PTPN22: variants seen among roughly 807,000 people sequenced by gnomAD.
PTPN22 encodes tyrosine-protein phosphatase non-receptor type 22.
In PTPN22, 85 loss-of-function variants were observed where a neutral mutation model predicts 103.3. The ratio of observed to expected loss-of-function variants is 0.82; its 90% CI spans 0.69 to 0.99. The LOEUF is 0.99. Among genes scored for constraint, PTPN22 ranks in the 50% least tolerant of loss-of-function variants. The pLI is 0.00. For synonymous variants in PTPN22, 323 were observed against 310.2 expected (o/e 1.04, Z -0.43); for missense variants, 865 against 936.9 (o/e 0.92, Z 1.00).
intron 11 of PTPN22, among the ~76,000 whole-genome samples, chr1:113,844,864 G>C (rs1347330596): frequency 6.6e-6 from 1 of 152,144 alleles, no homozygotes; most frequent in Non-Finnish European, 1.5e-5. Flanking sequence ...TGTCACCCAG[G>C]TTGGAGTGCA....
chr1:113,826,360 GAA>G (rs1420533314), intron 18 of PTPN22, among the ~76,000 whole-genome samples: 2 of 146,708 alleles, frequency 1.4e-5, no homozygotes, highest in Non-Finnish European at 1.5e-5. Flanking sequence ...GAAAGAAAGA[GAA>G]AGAGAGAGAC....
chr1:113,834,978 A>G (rs1180511542), exon 14 of PTPN22: 7 of 1,565,594 alleles, frequency 4.5e-6, no homozygotes, highest in Admixed American at 4.0e-5. Flanking sequence ...TTCATCATCT[A>G]TCCTTGGAGC....
chr1:113,871,411 T>A (rs1666568824), intron 1 of PTPN22, 126 bp downstream of exon 1: 1 of 686,536 alleles, frequency 1.5e-6, no homozygotes, highest in African/African-American at 1.8e-5. Context: ...TTTTTTTTTC[T>A]GTCTTCCCCG....
At chr1:113,847,584 CTT>C (rs201373943) in intron 11 of PTPN22, among the ~76,000 whole-genome samples, 257 of 125,476 alleles carry the variant, frequency 2.0e-3, no homozygotes, top group Non-Finnish European at 3.4e-3. Flanking sequence ...TTTGCTGGGG[CTT>C]TTTTTTTTTT....
intron 8 of PTPN22, 32 bp from the exon 9 acceptor site, chr1:113,854,569 A>T: frequency 6.3e-7 from 1 of 1,579,894 alleles, no homozygotes; most frequent in African/African-American, 1.3e-5. Context: ...GCATGTATGC[A>T]TGTATACCTA....
intron 1 of PTPN22, among the ~76,000 whole-genome samples, chr1:113,866,005 C>A (rs187197338): frequency 1.3e-5 from 2 of 152,288 alleles, no homozygotes; most frequent in African/African-American, 4.8e-5. Flanking sequence ...CAAAGCAAGA[C>A]TACCTGAAAT....
intron 4 of PTPN22, chr1:113,858,064 T>G (rs1162692181): frequency 9.4e-6 from 2 of 212,702 alleles, no homozygotes; most frequent in African/African-American, 4.6e-5. Context: ...TTTTTAAAAC[T>G]TATTTATTTT....
At chr1:113,837,877 T>C in exon 13 of PTPN22, 1 of 1,614,130 alleles carries the variant, frequency 6.2e-7, no homozygotes, top group Non-Finnish European at 8.5e-7. Context: ...ATTACGTATT[T>C]GGTGTTTAGA....
exon 7 of PTPN22, chr1:113,856,418 A>G: frequency 6.3e-7 from 1 of 1,591,712 alleles, no homozygotes; most frequent in Non-Finnish European, 8.6e-7. Context: ...TGATTATATA[A>G]TCAGATTTCC....
intron 11 of PTPN22, among the ~76,000 whole-genome samples, chr1:113,845,199 T>G (rs1219064618): frequency 6.8e-6 from 1 of 146,164 alleles, no homozygotes; most frequent in African/African-American, 2.5e-5. Flanking sequence ...TTTTTGTTTT[T>G]GTTTTTTTTT....
intron 13 of PTPN22, among the ~76,000 whole-genome samples, chr1:113,837,187 C>T (rs2101964612): frequency 6.6e-6 from 1 of 152,160 alleles, no homozygotes; most frequent in Non-Finnish European, 1.5e-5. Flanking sequence ...CGTGGTGGCT[C>T]ATGCCTGTAA....
At chr1:113,854,654 A>T in intron 8 of PTPN22, 117 bp from the exon 9 acceptor site, 2 of 1,110,548 alleles carry the variant, frequency 1.8e-6, no homozygotes, top group African/African-American at 1.6e-5. Flanking sequence ...GGGGACAATT[A>T]AACTTTCCAA....
intron 1 of PTPN22, among the ~76,000 whole-genome samples, chr1:113,859,688 G>A (rs961569135): frequency 3.9e-5 from 6 of 152,178 alleles, no homozygotes; most frequent in African/African-American, 1.4e-4. Context: ...CATAGATAGC[G>A]TGAACTTAAA....
chr1:113,859,514 C>A, intron 1 of PTPN22, 54 bp from the exon 2 acceptor site: 1 of 1,420,308 alleles, frequency 7.0e-7, no homozygotes. Flanking sequence ...AGGTAAGAAG[C>A]TATCTCTAAA....
At position 113,863,563 on chromosome 1, in the gene PTPN22, AATGCTGATAAAT is replaced by A. The variant is rs548419583; in HGVS notation, c.88-4115_88-4104del. 1.0e-3 allele frequency among the ~76,000 whole-genome samples: 153 copies of A among 152,322 alleles called. No homozygotes were observed. In the East Asian group the frequency reaches 0.013, roughly 13 times the overall value. On this transcript the variant is annotated intron_variant, in intron 1 of 20. Transcript: ENST00000359785. Reference sequence around the variant, plus strand: ...ACCTTAATGTGCACAAAGGTCAAGAAATGCTGATAAATATGTTCAAGTGATAGGCTGATTCAC... The same window carrying A: ...ACCTTAATGTGCACAAAGGTCAAGAAATGTTCAAGTGATAGGCTGATTCAC...
At chr1:113,854,981 G>A in exon 8 of PTPN22, 1 of 1,606,834 alleles carries the variant, frequency 6.2e-7, no homozygotes, top group Non-Finnish European at 8.5e-7. Flanking sequence ...CAAGAATAGG[G>A]TCTATAGATG....
chr1:113,830,516 GAC>G (rs2101925776), intron 16 of PTPN22, among the ~76,000 whole-genome samples: 1 of 152,170 alleles, frequency 6.6e-6, no homozygotes, highest in South Asian at 2.1e-4. Context: ...GATTTCAAAA[GAC>G]AGATTTAAGA....
chr1:113,845,383 A>T (rs1158632902), intron 11 of PTPN22, among the ~76,000 whole-genome samples: 2 of 151,638 alleles, frequency 1.3e-5, no homozygotes, highest in African/African-American at 4.8e-5. Flanking sequence ...TTGTATATTT[A>T]GTAGAGATGG....
At chr1:113,814,606 A>T in exon 21 of PTPN22, 1 of 237,950 alleles carries the variant, frequency 4.2e-6, no homozygotes, top group East Asian at 9.6e-5. Context: ...AAAAGAAAAT[A>T]AAAATAACTG....
Sources: allele counts gnomAD v4.1 joint callset (sites outside exome capture counted in the v4.1 genomes callset), GRCh38; gene constraint gnomAD v4.1.1; transcripts MANE v1.5; gene names NCBI Gene and HGNC (gene_info 2026-07-23, HGNC 2026-07-21).